The following SECISBP2 variants were observed in gnomAD, a reference collection of about 807,000 sequenced individuals.
SECISBP2 encodes selenocysteine insertion sequence-binding protein 2.
In SECISBP2, 96 loss-of-function variants were observed where a neutral mutation model predicts 98.2. The ratio of observed to expected loss-of-function variants is 0.98; its 90% CI spans 0.83 to 1.16. The LOEUF (loss-of-function observed/expected upper bound fraction) is 1.16, where lower values mean the gene tolerates loss of function less well. Ranked by LOEUF, SECISBP2 falls within the 50% of genes most tolerant of loss-of-function variation. The pLI is 0.00. For missense variants in SECISBP2, 1,046 were observed against 1,022.9 expected, an observed-to-expected ratio of 1.02 and a Z score of -0.31; for synonymous variants, 407 against 370.2, an observed-to-expected ratio of 1.10 and a Z score of -1.14.
rs1830645327 is a variant in SECISBP2 at position 89,347,775 on chromosome 9, C to T, written c.1603-304C>T. Among the ~76,000 whole-genome samples the T allele has an allele frequency of 3.3e-5, 5 of 152,316 alleles. No homozygotes were observed. The South Asian group carries it at 1.0e-3, about 32-fold the overall frequency. On this transcript the variant is annotated intron_variant, in intron 11 of 16. Coordinates refer to ENST00000375807, the MANE Select transcript of SECISBP2 (RefSeq NM_024077.5). ...GCATGAGCCATCACGCCCAGCCTCCCTCCGGTGAATTCTTACAGCAGCCTG... is the reference window on the plus strand; with the variant it reads ...GCATGAGCCATCACGCCCAGCCTCCTTCCGGTGAATTCTTACAGCAGCCTG...
Position 89,350,843 on chromosome 9 carries a change from C to G in SECISBP2, c.2104C>G (p.Gln702Glu). 6.2e-7 allele frequency: 1 copy of G among 1,613,754 alleles called. No individual in the cohort carries two copies. Among genetic ancestry groups the G allele is most frequent in the Non-Finnish European group, 8.5e-7 (1 of 1,179,622 alleles). ...VIISPNCEKIQSKGGLDDTLH... is the reference protein window; with the variant it reads ...VIISPNCEKIESKGGLDDTLH... ...TATTTCTCCCAACTGTGAGAAGATA[C>G]AGTCAAAAGGTAAAGGCACAGTGTG... Residue 702 changes from glutamine to glutamate, a missense_variant, in exon 14 of 17, where the codon CAG becomes GAG. By Grantham distance (29) the Gln-to-Glu change is conservative (BLOSUM62 2). Coordinates refer to ENST00000375807, the MANE Select transcript of SECISBP2 (RefSeq NM_024077.5).
rs776426275 is a variant in SECISBP2, at chr9:89,320,355, CAAAAAAA to C, written c.182+577_182+583del. Among the ~76,000 whole-genome samples the C allele has an allele frequency of 3.8e-4, 20 of 51,958 alleles. 1 individual carries two copies. In the South Asian group the frequency reaches 6.8e-3, roughly 18 times the overall value. The allele number at this position is 51,958 out of a possible 152,430, so 34.1% of individuals were successfully genotyped here. Reference sequence around the variant, plus strand: ...TGGCTGACAGAGTGAGACTCTGTCTCAAAAAAAAAAAAAAAAAAAAAAAAATCCCGTT... The same window carrying C: ...TGGCTGACAGAGTGAGACTCTGTCTCAAAAAAAAAAAAAAAAAATCCCGTT... On this transcript the variant is annotated intron_variant, in intron 2 of 16. Coordinates refer to ENST00000375807, the MANE Select transcript of SECISBP2 (RefSeq NM_024077.5).
rs1257487536 is a variant in SECISBP2 at position 89,319,660 on chromosome 9, G to A, written c.45G>A (p.Lys15=). ...CTCATATTTTTCCTCAGGGCATCAA[G>A]TTATCAGCAGATGTCAAACCATTTG... ...GPREPESEGI[K]LSADVKPFVP... is the part of the protein sequence containing the mutation. Residue 15 remains lysine (K), a synonymous_variant, in exon 2 of 17, where the codon AAG becomes AAA. Transcript: ENST00000375807. 10 of 1,614,046 alleles carry A rather than the reference G, an allele frequency of 6.2e-6. No homozygotes were observed. The highest frequency in any genetic ancestry group is 1.3e-5 in the African/African-American group (1 of 74,926).
chr9:89,365,981 C>T, the SECISBP2 span, among the ~76,000 whole-genome samples: 1 of 152,212 alleles, frequency 6.6e-6, no homozygotes, highest in Non-Finnish European at 1.5e-5. Context: ...ATGCTCCTCC[C>T]AAGGACTTGA....
chr9:89,352,343 T>C (rs1831405596), intron 14 of SECISBP2, among the ~76,000 whole-genome samples: 1 of 152,204 alleles, frequency 6.6e-6, no homozygotes, highest in Non-Finnish European at 1.5e-5. Flanking sequence ...CACCCTGCTC[T>C]CAATAAGGTG....
chr9:89,338,521 A>G lies in SECISBP2; in HGVS notation c.1153A>G (p.Lys385Glu), dbSNP rs1044521907. ...AGCCTCAAGAAAGAATAAGAAAAAG[A>G]AAGAAAAATCTACATCAAAATATGA... ...NEASRKNKKKKEKSTSKYEVL... is the reference protein window; with the variant it reads ...NEASRKNKKKEEKSTSKYEVL... Residue 385 changes from lysine to glutamate, a missense_variant, in exon 8 of 17, where the codon AAA (lysine) becomes GAA (glutamate). Lys to Glu is a moderately conservative substitution (Grantham distance 56). Transcript: ENST00000375807. 1.2e-6 allele frequency: 2 copies of G among 1,613,448 alleles called. No individual in the cohort carries two copies. Among genetic ancestry groups the G allele is most frequent in the African/African-American group, 1.3e-5 (1 of 74,984 alleles).
intron 10 of SECISBP2, 151 bp downstream of exon 10, chr9:89,341,630 T>A: frequency 1.1e-6 from 1 of 927,968 alleles, no homozygotes; most frequent in Non-Finnish European, 1.6e-6. Flanking sequence ...GGAATAGAAT[T>A]AAGAGTCCAG....
chr9:89,325,963 A>G lies in SECISBP2; in HGVS notation c.499A>G (p.Thr167Ala), dbSNP rs1393176069. Reference sequence around the variant, plus strand: ...GTTTGACAGTGAAAGGGCTGATGGAACTATATCATCTGAGATAAAATCAGC... The same window carrying G: ...GTTTGACAGTGAAAGGGCTGATGGAGCTATATCATCTGAGATAAAATCAGC... ...QKFDSERADG[T>A]ISSEIKSARG... is the part of the protein sequence containing the mutation. The change falls in exon 4 of 17, where the codon ACT becomes GCT. Residue 167 changes from threonine to alanine, a missense_variant. By Grantham distance (58) the Thr-to-Ala change is moderately conservative (BLOSUM62 0). Transcript: ENST00000375807. The G allele has an allele frequency of 9.3e-6, 15 of 1,614,062 alleles. No homozygotes were observed. Among genetic ancestry groups the G allele is most frequent in the Non-Finnish European group, 1.3e-5 (15 of 1,179,980 alleles).
At chr9:89,337,540 T>C (rs928030268) in intron 7 of SECISBP2, among the ~76,000 whole-genome samples, 3 of 152,184 alleles carry the variant, frequency 2.0e-5, no homozygotes, top group East Asian at 3.8e-4. Context: ...TTTTTTTGTT[T>C]TGTTTTGTTT....
intron 8 of SECISBP2, 128 bp downstream of exon 8, chr9:89,338,708 T>A: frequency 2.0e-5 from 20 of 986,676 alleles, no homozygotes. Context: ...TTTGTAGTGC[T>A]AAAGAAAACA....
rs570106144 is a variant in SECISBP2, at chr9:89,348,082, A to G, written c.1606A>G (p.Ile536Val). The G allele has an allele frequency of 6.2e-7, 1 of 1,612,760 alleles. No individual in the cohort carries two copies. The highest frequency in any genetic ancestry group is 2.2e-5 in the East Asian group (1 of 44,882). ...AATTGTTTATTTAATTTTTAAGATT[A>G]TTTTGAAAGAACGGCAAGAGAGAAA... ...AKKPTSLKKI[I>V]LKERQERKQR... The change falls in exon 12 of 17, where the codon ATT (isoleucine) becomes GTT (valine). Residue 536 changes from isoleucine (I) to valine (V), a missense_variant. Physicochemically the swap from Ile to Val is conservative, Grantham distance 29. Coordinates refer to ENST00000375807, the MANE Select transcript of SECISBP2 (RefSeq NM_024077.5).
chr9:89,334,341 G>T (rs964969044), intron 6 of SECISBP2, among the ~76,000 whole-genome samples, 181 bp from the exon 7 acceptor site: 1 of 152,206 alleles, frequency 6.6e-6, no homozygotes, highest in African/African-American at 2.4e-5. Flanking sequence ...AATGCAGCAT[G>T]CATGCCCCAA....
chr9:89,335,204 A>G (rs1215584043), intron 7 of SECISBP2, among the ~76,000 whole-genome samples: 2 of 150,196 alleles, frequency 1.3e-5, no homozygotes, highest in African/African-American at 4.9e-5. Context: ...CAACACAGTG[A>G]GACGTCGTCT....
chr9:89,334,446 A>T, intron 6 of SECISBP2, 76 bp from the exon 7 acceptor site: 1 of 1,124,610 alleles, frequency 8.9e-7, no homozygotes, highest in Non-Finnish European at 1.3e-6. Context: ...TACCTCATGT[A>T]ATGCATGTTT....
Position 89,358,991 on chromosome 9 carries a change from C to T in SECISBP2, c.*167C>T. On this transcript the variant is annotated 3_prime_UTR_variant, in exon 17 of 17. Coordinates refer to ENST00000375807, the MANE Select transcript of SECISBP2 (RefSeq NM_024077.5). ...AAGCAGTGTCTGCAGGCGTTCAGTG[C>T]TGCGGAGCCTGTTAAAGGTCACTCA... is the stretch of plus-strand genomic sequence containing the variant. The T allele has an allele frequency of 1.6e-6, 1 of 634,850 alleles. No homozygotes were observed. 39.3% of individuals were successfully genotyped at this position (634,850 alleles called of 1,614,324 possible). A position where few individuals can be genotyped will look rare whatever the true frequency, so the allele number is the denominator to read the frequency against.
Position 89,354,978 on chromosome 9 carries a change from C to A in SECISBP2, c.2114-2433C>A, listed in dbSNP as rs543083119. ...TCCCCTTTTCCCAGCCCATCTGGAA[C>A]TGGTCTTTTTCTTCAAAGTTTCTAT... On this transcript the variant is annotated intron_variant, in intron 14 of 16. Coordinates refer to ENST00000375807, the MANE Select transcript of SECISBP2 (RefSeq NM_024077.5). 1.4e-4 allele frequency: 139 copies of A among 985,430 alleles called. 1 individual carries two copies. Among genetic ancestry groups the A allele is most frequent in the Middle Eastern group, 1.0e-3 (2 of 1,914 alleles). 61.0% of individuals were successfully genotyped at this position (985,430 alleles called of 1,614,324 possible).
At chr9:89,350,878 T>G (rs1248406618) in intron 14 of SECISBP2, 26 bp downstream of exon 14, 1 of 1,595,798 alleles carries the variant, frequency 6.3e-7, no homozygotes, top group South Asian at 1.1e-5. Flanking sequence ...GGTCCTGTGA[T>G]ATGTGGGCCC....
rs1828005989 is a variant in SECISBP2, at chr9:89,332,981, C to T, written c.875C>T (p.Thr292Ile). The change falls in exon 6 of 17, where the codon ACA becomes ATA. Residue 292 changes from threonine to isoleucine, a missense_variant. By Grantham distance (89) the Thr-to-Ile change is moderately conservative. Coordinates refer to ENST00000375807, the MANE Select transcript of SECISBP2 (RefSeq NM_024077.5). ...GCCGCTACCAATTCTCCTTCATGTA[C>T]AAGAGGTAAAAGTGGCTGCAAAAAT... ...ANAATNSPSCTRELSWTPMGY... is the reference protein window; with the variant it reads ...ANAATNSPSCIRELSWTPMGY... The T allele has an allele frequency of 6.2e-7, 1 of 1,613,260 alleles. No homozygotes were observed. The highest frequency in any genetic ancestry group is 8.5e-7 in the Non-Finnish European group (1 of 1,179,496).
rs760406547 is a variant in SECISBP2 at position 89,350,667 on chromosome 9, C to A, written c.1928C>A (p.Ala643Asp). Residue 643 changes from alanine to aspartate, a missense_variant, in exon 14 of 17, where the codon GCT becomes GAT. Coordinates refer to ENST00000375807, the MANE Select transcript of SECISBP2 (RefSeq NM_024077.5). ...CAGATGCTTAGTAAAGAAGTGGATGCTTGTGTTACCGACCTACTCAAAGAA... is the reference window on the plus strand; with the variant it reads ...CAGATGCTTAGTAAAGAAGTGGATGATTGTGTTACCGACCTACTCAAAGAA... ...CSQMLSKEVD[A>D]CVTDLLKELV... The A allele has an allele frequency of 6.2e-7, 1 of 1,614,170 alleles. No homozygotes were observed. Among genetic ancestry groups the A allele is most frequent in the Non-Finnish European group, 8.5e-7 (1 of 1,180,012 alleles).
Sources: allele counts gnomAD v4.1 joint callset (sites outside exome capture counted in the v4.1 genomes callset), GRCh38; gene constraint gnomAD v4.1.1; transcripts MANE v1.5; gene names NCBI Gene and HGNC (gene_info 2026-07-23, HGNC 2026-07-21).